CHEK2: variants seen among roughly 807,000 people sequenced by gnomAD.
CHEK2 encodes the protein checkpoint kinase 2, also known as serine/threonine-protein kinase Chk2.
CHEK2 carries 71 observed loss-of-function variants against 69.1 expected under a neutral mutation model. The ratio of observed to expected loss-of-function variants is 1.03; its 90% CI spans 0.85 to 1.25. CHEK2 has a LOEUF of 1.25. CHEK2 is among the 50% of genes most tolerant of loss of function. The pLI is 0.00. For synonymous variants in CHEK2, 189 were observed against 226.9 expected, an observed-to-expected ratio of 0.83 and a Z score of 1.50; for missense variants, 664 against 649.6, an observed-to-expected ratio of 1.02 and a Z score of -0.24.
intron 8 of CHEK2, 39 bp from the exon 9 acceptor site, chr22:28,699,976 G>C: frequency 6.4e-6 from 9 of 1,399,480 alleles, no homozygotes; most frequent in Non-Finnish European, 9.1e-6. Context: ...CATTCCTGGG[G>C]GAAAACGCAC....
At chr22:28,724,563 A>C (rs1366326085) in intron 4 of CHEK2, 1 of 279,064 alleles carries the variant, frequency 3.6e-6, no homozygotes, top group Non-Finnish European at 7.1e-6. Context: ...GTGCTAACTT[A>C]CTCATCTTTT....
chr22:28,721,320 C>A (rs12165352), intron 4 of CHEK2, among the ~76,000 whole-genome samples: 6,248 of 128,462 alleles, frequency 0.049, 157 homozygotes, highest in Middle Eastern at 0.12. Flanking sequence ...AAGTCTCGCT[C>A]TTGTACCCCA....
At chr22:28,726,947 C>T (rs1242660399) in intron 2 of CHEK2, among the ~76,000 whole-genome samples, 1 of 151,458 alleles carries the variant, frequency 6.6e-6, no homozygotes, top group African/African-American at 2.4e-5. Context: ...CACTTCTTCC[C>T]CAACTACACA....
chr22:28,695,642 C>T (rs1258236780), intron 11 of CHEK2, 68 bp downstream of exon 11: 23 of 1,353,432 alleles, frequency 1.7e-5, no homozygotes, highest in Non-Finnish European at 2.3e-5. Flanking sequence ...GACAACAGAG[C>T]AAGACACATT....
chr22:28,692,566 C>A (rs925268590), intron 13 of CHEK2, among the ~76,000 whole-genome samples: 2 of 152,142 alleles, frequency 1.3e-5, no homozygotes, highest in African/African-American at 2.4e-5. Flanking sequence ...GAACAGAGAA[C>A]AGGGACAGTC....
At chr22:28,693,919 C>T in intron 13 of CHEK2, 113 bp downstream of exon 13, 1 of 778,634 alleles carries the variant, frequency 1.3e-6, no homozygotes, top group Non-Finnish European at 2.3e-6. Context: ...ACATCTAAAA[C>T]AATTAGATTA....
rs1601853381 is a variant in CHEK2, at chr22:28,734,619, A to G, written c.103T>C (p.Ser35Pro). 3.1e-6 allele frequency: 5 copies of G among 1,614,000 alleles called. No homozygotes were observed. Among genetic ancestry groups the G allele is most frequent in the Non-Finnish European group, 4.2e-6 (5 of 1,180,018 alleles). The change falls in exon 2 of 15, where the codon TCC becomes CCC. Residue 35 changes from serine (S) to proline (P), a missense_variant. By Grantham distance (74) the Ser-to-Pro change is moderately conservative (BLOSUM62 -1). Transcript: ENST00000404276. ...VTQSQGSSSQ[S>P]QGISSSSTST... is the part of the protein sequence containing the mutation. ...GTAGAGGAGCTGGATATGCCCTGGG[A>G]CTGTGAGGAGGAGCCTTGGGACTGG...
chr22:28,710,952 T>A (rs747170472), intron 6 of CHEK2, among the ~76,000 whole-genome samples: 7 of 152,084 alleles, frequency 4.6e-5, no homozygotes, highest in Non-Finnish European at 7.4e-5. Flanking sequence ...GGGAAACAAA[T>A]CTTAGAATCA....
intron 1 of CHEK2, among the ~76,000 whole-genome samples, chr22:28,739,747 GGT>G (rs755241582): frequency 1.3e-5 from 2 of 152,004 alleles, no homozygotes; most frequent in Non-Finnish European, 2.9e-5. Flanking sequence ...AAGTTAAAAT[GGT>G]TTGTATAAAA....
At chr22:28,697,250 C>T (rs945819379) in intron 9 of CHEK2, among the ~76,000 whole-genome samples, 5 of 152,054 alleles carry the variant, frequency 3.3e-5, no homozygotes, top group African/African-American at 1.2e-4. Flanking sequence ...ACTCTTCACA[C>T]AGCAGAAATG....
chr22:28,728,573 G>A (rs534668741), intron 2 of CHEK2, among the ~76,000 whole-genome samples: 49 of 152,146 alleles, frequency 3.2e-4, no homozygotes, highest in African/African-American at 9.9e-4. Context: ...GTGGTGGCGC[G>A]CCCCTGTAGT....
intron 7 of CHEK2, among the ~76,000 whole-genome samples, chr22:28,707,336 C>T (rs746547055): frequency 6.6e-6 from 1 of 152,212 alleles, no homozygotes; most frequent in Non-Finnish European, 1.5e-5. Flanking sequence ...GACCTTGTGA[C>T]ATAAGTATTC....
intron 1 of CHEK2, among the ~76,000 whole-genome samples, chr22:28,735,029 A>G (rs2054355423): frequency 6.6e-6 from 1 of 152,218 alleles, no homozygotes; most frequent in African/African-American, 2.4e-5. Context: ...TGGGGGGCTC[A>G]TAAAAGCTTA....
At chr22:28,718,805 C>A (rs1055412469) in intron 5 of CHEK2, among the ~76,000 whole-genome samples, 1 of 151,090 alleles carries the variant, frequency 6.6e-6, no homozygotes, top group Non-Finnish European at 1.5e-5. Flanking sequence ...TCACTTGAGC[C>A]CTGGAAGTGG....
At chr22:28,712,623 C>G (rs1310976242) in intron 5 of CHEK2, among the ~76,000 whole-genome samples, 1 of 152,194 alleles carries the variant, frequency 6.6e-6, no homozygotes, top group Non-Finnish European at 1.5e-5. Context: ...GAGGAATGCT[C>G]TCCAAGCCAT....
chr22:28,731,341 G>A (rs893108524), intron 2 of CHEK2, among the ~76,000 whole-genome samples: 2 of 152,212 alleles, frequency 1.3e-5, no homozygotes, highest in Non-Finnish European at 2.9e-5. Flanking sequence ...GCTCGCGCCT[G>A]TAATCCCACC....
chr22:28,708,131 G>A (rs1322598829), intron 7 of CHEK2, among the ~76,000 whole-genome samples: 2 of 151,782 alleles, frequency 1.3e-5, no homozygotes, highest in Non-Finnish European at 2.9e-5. Flanking sequence ...GAGCCACCGC[G>A]CCCACCGCAT....
intron 1 of CHEK2, among the ~76,000 whole-genome samples, chr22:28,736,887 G>A (rs1282884054): frequency 3.3e-5 from 5 of 151,810 alleles, no homozygotes; most frequent in Non-Finnish European, 7.4e-5. Context: ...AGGCTGCAGT[G>A]AGCTATGATC....
chr22:28,735,741 G>A (rs1457855323), intron 1 of CHEK2, among the ~76,000 whole-genome samples: 1 of 151,848 alleles, frequency 6.6e-6, no homozygotes, highest in Non-Finnish European at 1.5e-5. Context: ...AATTAGCCGG[G>A]TGTGGTGGCA....
Sources: allele counts gnomAD v4.1 joint callset (sites outside exome capture counted in the v4.1 genomes callset), GRCh38; gene constraint gnomAD v4.1.1; transcripts MANE v1.5; gene names NCBI Gene and HGNC (gene_info 2026-07-23, HGNC 2026-07-21).